Variants in NEBL observed in about 807,000 individuals in gnomAD.
NEBL encodes the protein LIM and SH3 protein 2.
Under a neutral mutation model 140.2 loss-of-function variants are expected in NEBL, and 122 were observed. The observed-to-expected ratio is 0.87, with a 90% CI of 0.75 to 1.01. The LOEUF (loss-of-function observed/expected upper bound fraction) is 1.01. Ranked by LOEUF, NEBL falls within the 50% of genes least tolerant of loss-of-function variation. The pLI is 0.00. For missense variants in NEBL, 1,365 were observed against 1,231.3 expected (o/e 1.11, Z -1.62); for synonymous variants, 436 against 398.9 (o/e 1.09, Z -1.11).
intron 11 of NEBL, 173 bp from the exon 12 acceptor site, chr10:20,845,541 C>G (rs1467603673): frequency 1.8e-6 from 1 of 569,390 alleles, no homozygotes; most frequent in African/African-American, 1.9e-5. Flanking sequence ...TTTTAGAATT[C>G]TACCAAACAA....
At chr10:20,945,042 T>C (rs954129695) in intron 4 of NEBL, among the ~76,000 whole-genome samples, 3 of 152,178 alleles carry the variant, frequency 2.0e-5, no homozygotes, top group Non-Finnish European at 4.4e-5. Flanking sequence ...TACTAAAAAA[T>C]ACTTTTTAGT....
chr10:20,959,434 T>C (rs954798521), intron 4 of NEBL, among the ~76,000 whole-genome samples: 1 of 152,148 alleles, frequency 6.6e-6, no homozygotes, highest in Non-Finnish European at 1.5e-5. Context: ...TTTTAGCCAA[T>C]ACTGTTCAGT....
At chr10:21,023,124 C>T (rs1387876346) in intron 2 of NEBL, among the ~76,000 whole-genome samples, 1 of 152,194 alleles carries the variant, frequency 6.6e-6, no homozygotes, top group East Asian at 1.9e-4. Flanking sequence ...TATTTTAAAG[C>T]TATAGTAACA....
chr10:21,063,107 A>G (rs1047793501), intron 2 of NEBL, among the ~76,000 whole-genome samples: 1 of 152,154 alleles, frequency 6.6e-6, no homozygotes, highest in African/African-American at 2.4e-5. Context: ...TGCCTGCAAC[A>G]TAACTGCGGG....
chr10:20,915,971 T>C (rs1848537904), intron 4 of NEBL, among the ~76,000 whole-genome samples: 1 of 152,254 alleles, frequency 6.6e-6, no homozygotes, highest in African/African-American at 2.4e-5. Context: ...AATGTTGTCA[T>C]AACCTTATCA....
At chr10:21,284,364 C>A (rs1461555587) in intron 1 of NEBL, among the ~76,000 whole-genome samples, 2 of 152,088 alleles carry the variant, frequency 1.3e-5, no homozygotes, top group Non-Finnish European at 1.5e-5. Context: ...GCCTGATCAC[C>A]GTCCCAACTT....
chr10:21,275,807 A>AATTT (rs1410446130), intron 1 of NEBL, among the ~76,000 whole-genome samples: 1 of 113,804 alleles, frequency 8.8e-6, no homozygotes, highest in African/African-American at 3.5e-5. Flanking sequence ...CACCCAGCTA[A>AATTT]TTTTTTTTTT....
chr10:21,202,461 CTTTT>C (rs35623208), intron 3 of NEBL, among the ~76,000 whole-genome samples: 1 of 117,308 alleles, frequency 8.5e-6, no homozygotes, highest in Non-Finnish European at 1.7e-5. Flanking sequence ...TTTTCTTTTT[CTTTT>C]TTTTTTTTTT....
chr10:20,808,339 G>A (rs542976293), intron 26 of NEBL, among the ~76,000 whole-genome samples, 171 bp downstream of exon 26: 2 of 150,216 alleles, frequency 1.3e-5, no homozygotes, highest in Non-Finnish European at 3.0e-5. Flanking sequence ...AATTAGTAGG[G>A]TTTTTTCTTT....
chr10:21,176,615 T>C (rs1234042727), upstream of NEBL, among the ~76,000 whole-genome samples: 3 of 152,202 alleles, frequency 2.0e-5, no homozygotes. Flanking sequence ...TAGCCAGTCT[T>C]CTCTCTTCAA....
chr10:21,078,391 A>T (rs1836202321), intron 2 of NEBL, among the ~76,000 whole-genome samples: 1 of 152,254 alleles, frequency 6.6e-6, no homozygotes, highest in African/African-American at 2.4e-5. Context: ...AATACTCTAA[A>T]TAAAAAACAA....
intron 5 of NEBL, among the ~76,000 whole-genome samples, chr10:20,872,500 C>T (rs190332976): frequency 6.6e-6 from 1 of 152,184 alleles, no homozygotes. Context: ...TGGCTTCTCA[C>T]ACAGATTCCT....
intron 13 of NEBL, among the ~76,000 whole-genome samples, 196 bp from the exon 14 acceptor site, chr10:20,835,819 C>A (rs1446419984): frequency 6.6e-6 from 1 of 152,190 alleles, no homozygotes; most frequent in Non-Finnish European, 1.5e-5. Context: ...TGAAGAAGGG[C>A]ATGCAAAGCT....
chr10:20,898,581 G>T (rs1805129134), upstream of NEBL, among the ~76,000 whole-genome samples: 1 of 152,098 alleles, frequency 6.6e-6, no homozygotes, highest in African/African-American at 2.4e-5. Context: ...GGGGAAAAAA[G>T]CAGGTTTCTT....
Position 20,783,984 on chromosome 10 carries a change from G to A in NEBL, c.*1763C>T, listed in dbSNP as rs1159782914. The stretch of plus-strand genomic sequence containing the variant: ...GTAATAAAGCCTATTTACCCTTTTA[G>A]CCTAATAAAATGAAATCACAGATTT... On this transcript the variant is annotated 3_prime_UTR_variant, in exon 28 of 28. Transcript: ENST00000377122. 6.6e-6 allele frequency: 1 copy of A among 152,108 alleles called. No individual in the cohort carries two copies. The highest frequency in any genetic ancestry group is 2.4e-5 in the African/African-American group (1 of 41,400). The allele number at this position is 152,108 out of a possible 1,614,324, so 9.4% of individuals were successfully genotyped here.
intron 2 of NEBL, among the ~76,000 whole-genome samples, chr10:21,078,704 A>T (rs892174239): frequency 2.6e-5 from 4 of 152,260 alleles, no homozygotes; most frequent in African/African-American, 9.6e-5. Context: ...AACATGCCAG[A>T]AGAAGGTATG....
chr10:20,908,335 T>A (rs1442977057), intron 4 of NEBL, among the ~76,000 whole-genome samples: 1 of 152,202 alleles, frequency 6.6e-6, no homozygotes, highest in African/African-American at 2.4e-5. Context: ...CTTTCTCTCA[T>A]CTCCTTCAAT....
At position 20,780,178 on chromosome 10, in the gene NEBL, T is replaced by A. The variant is rs536509209; in HGVS notation, c.*5569A>T. ...CGTAGTGGGGGGAGAAAAGCAATTG[T>A]GTTCTGTGATAAATGAGCCTTTCTT... On this transcript the variant is annotated 3_prime_UTR_variant, in exon 28 of 28. Coordinates refer to ENST00000377122, the MANE Select transcript of NEBL (RefSeq NM_006393.3). 7 of 152,290 alleles carry A rather than the reference T, an allele frequency of 4.6e-5. No individual in the cohort carries two copies. The East Asian group carries it at 1.4e-3, about 29-fold the overall frequency. The allele number at this position is 152,290 out of a possible 1,614,324, so 9.4% of individuals were successfully genotyped here.
chr10:21,073,593 G>T (rs1448677995), intron 2 of NEBL, among the ~76,000 whole-genome samples: 1 of 148,336 alleles, frequency 6.7e-6, no homozygotes, highest in Non-Finnish European at 1.5e-5. Flanking sequence ...CTCTAGCCTG[G>T]GTGACAGAGC....
Sources: allele counts gnomAD v4.1 joint callset (sites outside exome capture counted in the v4.1 genomes callset), GRCh38; gene constraint gnomAD v4.1.1; transcripts MANE v1.5; gene names NCBI Gene and HGNC (gene_info 2026-07-23, HGNC 2026-07-21).